Variants in SEMA6A observed in about 807,000 individuals in gnomAD.
The protein encoded by SEMA6A is semaphorin-6A.
A neutral mutation model predicts 96.8 loss-of-function variants in SEMA6A; 25 were observed. The observed-to-expected ratio is 0.26, with a 90% CI of 0.19 to 0.36. The LOEUF (loss-of-function observed/expected upper bound fraction) is 0.36, where lower values mean the gene tolerates loss of function less well. Ranked by LOEUF, SEMA6A falls within the 10% of genes least tolerant of loss-of-function variation. SEMA6A has a pLI of 1.00. For missense variants in SEMA6A, 1,363 were observed against 1,323.1 expected, an observed-to-expected ratio of 1.03 and a Z score of -0.47; for synonymous variants, 612 against 518.0, an observed-to-expected ratio of 1.18 and a Z score of -2.46.
At chr5:116,515,218 G>A (rs1215968915) in intron 1 of SEMA6A, among the ~76,000 whole-genome samples, 2 of 152,144 alleles carry the variant, frequency 1.3e-5, no homozygotes, top group Non-Finnish European at 2.9e-5. Context: ...TTTGCTTAAG[G>A]AATTTCAAGC....
At chr5:116,475,772 CGAG>C in intron 15 of SEMA6A, among the ~76,000 whole-genome samples, 169 bp from the exon 16 acceptor site, 1 of 152,024 alleles carries the variant, frequency 6.6e-6, no homozygotes, top group African/African-American at 2.4e-5. Context: ...TTTATAGAAA[CGAG>C]TCTTAGGTGA....
intron 1 of SEMA6A, among the ~76,000 whole-genome samples, chr5:116,519,304 C>A (rs1323327254): frequency 6.6e-6 from 1 of 152,158 alleles, no homozygotes; most frequent in Non-Finnish European, 1.5e-5. Context: ...GAAAGTAATT[C>A]TATTCCAAAG....
At chr5:116,498,347 T>A (rs1487720011) in intron 3 of SEMA6A, 1 of 152,186 alleles carries the variant, frequency 6.6e-6, no homozygotes, top group Admixed American at 6.5e-5. Context: ...AGTCCCCTCG[T>A]TACTTAAAAG....
intron 1 of SEMA6A, among the ~76,000 whole-genome samples, chr5:116,520,502 G>GA (rs899067301): frequency 3.3e-5 from 5 of 152,038 alleles, no homozygotes; most frequent in Non-Finnish European, 7.4e-5. Context: ...GACAATTTCT[G>GA]AAAAATCAGT....
chr5:116,559,598 A>G (rs947527310), intron 1 of SEMA6A, among the ~76,000 whole-genome samples: 1 of 152,156 alleles, frequency 6.6e-6, no homozygotes, highest in African/African-American at 2.4e-5. Flanking sequence ...GACCAATACA[A>G]GAGCCTTGCA....
intron 1 of SEMA6A, among the ~76,000 whole-genome samples, chr5:116,546,011 A>T (rs182077359): frequency 1.2e-4 from 18 of 152,344 alleles, no homozygotes; most frequent in African/African-American, 4.1e-4. Context: ...CATTTTGGAA[A>T]CAAGATGCTT....
chr5:116,495,107 AAAAAT>A (rs1406797104), intron 6 of SEMA6A, among the ~76,000 whole-genome samples: 19 of 152,290 alleles, frequency 1.2e-4, no homozygotes, highest in African/African-American at 2.9e-4. Flanking sequence ...GAGGGAGAAA[AAAAAT>A]AGAGGAAATC....
rs12516669 is a variant in SEMA6A, at chr5:116,448,196, A to T, written c.1895-385T>A. 7.0e-3 allele frequency among the ~76,000 whole-genome samples: 969 copies of T among 138,620 alleles called. 24 individuals carry two copies. The highest frequency in any genetic ancestry group is 0.021 in the African/African-American group (743 of 35,620). The allele number at this position is 138,620 out of a possible 152,430, so 90.9% of individuals were successfully genotyped here. A position where few individuals can be genotyped will look rare whatever the true frequency, so the allele number is the denominator to read the frequency against. ...AAAAAAAAAAAAAAAAAAAAAAAAA[A>T]TTAGCCAGGCGCGGTGGCGGGGGCT... On this transcript the variant is annotated intron_variant, in intron 18 of 18. Coordinates refer to ENST00000343348, the MANE Select transcript of SEMA6A (RefSeq NM_020796.5).
In SEMA6A at chr5:116,447,562, TTGGATTGAGTGTCCCCAAAG is replaced by T. The variant is rs1754316386; in HGVS notation, c.2124_2143del (p.Phe709ArgfsTer29). On this transcript the variant is annotated frameshift_variant, in exon 19 of 19. Coordinates refer to ENST00000343348, the MANE Select transcript of SEMA6A (RefSeq NM_020796.5). LOFTEE classifies it high-confidence loss of function. Reference sequence around the variant, plus strand: ...GAGGATGGCCTCCGGCTTTGGGTCTTTGGATTGAGTGTCCCCAAAGAGGCCGCTGAGCTTGGTGACGCTGC... The same window carrying T: ...GAGGATGGCCTCCGGCTTTGGGTCTTAGGCCGCTGAGCTTGGTGACGCTGC... The T allele has an allele frequency of 6.2e-7, 1 of 1,613,894 alleles. No individual in the cohort carries two copies.
Position 116,447,200 on chromosome 5 carries a change from T to C in SEMA6A, c.2506A>G (p.Ser836Gly). ...TCCAGCGCCATCTGGGCCACCTCGC[T>C]CATTTTGGGCTGGTCCACGTACTCA... Reference protein sequence around the residue: ...QHEYVDQPKMSEVAQMALEDQ... With the variant: ...QHEYVDQPKMGEVAQMALEDQ... The change falls in exon 19 of 19, where the codon AGC becomes GGC. Residue 836 changes from serine (S) to glycine (G), a missense_variant. By Grantham distance (56) the Ser-to-Gly change is moderately conservative. Transcript: ENST00000343348. The C allele has an allele frequency of 6.2e-7, 1 of 1,614,060 alleles. No homozygotes were observed. Among genetic ancestry groups the C allele is most frequent in the South Asian group, 1.1e-5 (1 of 91,088 alleles).
chr5:116,531,679 C>T (rs945208393), intron 1 of SEMA6A, among the ~76,000 whole-genome samples: 1 of 152,132 alleles, frequency 6.6e-6, no homozygotes, highest in Non-Finnish European at 1.5e-5. Context: ...TAAAGTTTAA[C>T]GTCCTGGTTC....
intron 17 of SEMA6A, chr5:116,468,285 G>A (rs1300007456): frequency 6.6e-6 from 1 of 152,548 alleles, no homozygotes; most frequent in Non-Finnish European, 1.5e-5. Context: ...TCCTATGGAG[G>A]TTCTACAGTG....
intron 18 of SEMA6A, among the ~76,000 whole-genome samples, chr5:116,448,108 T>G (rs1047322410): frequency 1.4e-5 from 2 of 138,280 alleles, no homozygotes; most frequent in Admixed American, 7.6e-5. Context: ...CCGAGGCGGG[T>G]GGATCACGAG....
At chr5:116,572,881 C>A (rs1761281667) in intron 1 of SEMA6A, among the ~76,000 whole-genome samples, 1 of 152,188 alleles carries the variant, frequency 6.6e-6, no homozygotes, top group African/African-American at 2.4e-5. Context: ...GGGAAACTTT[C>A]CAGGAGCGCC....
intron 3 of SEMA6A, 93 bp downstream of exon 3, chr5:116,502,117 C>A: frequency 1.1e-6 from 1 of 922,138 alleles, no homozygotes; most frequent in Non-Finnish European, 1.7e-6. Flanking sequence ...TATTTAGAAA[C>A]CTCAAGATCT....
In SEMA6A at chr5:116,526,050, A is replaced by G. The variant is rs148402547; in HGVS notation, c.-38-21068T>C. 4.5e-3 allele frequency among the ~76,000 whole-genome samples: 683 copies of G among 152,090 alleles called. 4 individuals are homozygous for G. The highest frequency in any genetic ancestry group is 0.016 in the African/African-American group (644 of 41,468). On this transcript the variant is annotated intron_variant, in intron 1 of 18. Transcript: ENST00000343348. Reference sequence around the variant, plus strand: ...ACTGCCCCTAACAGAAAGTTTTAAGAATTTTTCACTCTTCGATTGACTTGG... The same window carrying G: ...ACTGCCCCTAACAGAAAGTTTTAAGGATTTTTCACTCTTCGATTGACTTGG...
intron 1 of SEMA6A, among the ~76,000 whole-genome samples, chr5:116,537,772 T>C (rs530641829): frequency 6.6e-6 from 1 of 152,006 alleles, no homozygotes; most frequent in African/African-American, 2.4e-5. Context: ...AAACAGGAAA[T>C]ACACAGAGAA....
chr5:116,477,704 G>C (rs1756528089), intron 15 of SEMA6A, 142 bp downstream of exon 15: 6 of 760,204 alleles, frequency 7.9e-6, no homozygotes, highest in African/African-American at 1.7e-5. Flanking sequence ...ATGGGAAAGG[G>C]TAGGAGAAAG....
chr5:116,457,352 G>A (rs959356205), intron 18 of SEMA6A, among the ~76,000 whole-genome samples: 5 of 152,010 alleles, frequency 3.3e-5, no homozygotes, highest in African/African-American at 1.2e-4. Flanking sequence ...TAAATTTCTC[G>A]ACACCATTTT....
Sources: gnomAD v4.1 joint callset for allele counts (sites outside exome capture counted in the v4.1 genomes callset) on GRCh38, gnomAD v4.1.1 for gene constraint, MANE v1.5 for transcripts, NCBI Gene and HGNC (gene_info 2026-07-23, HGNC 2026-07-21) for gene names.